MAP3K20: variants seen among roughly 807,000 people sequenced by gnomAD.
The protein encoded by MAP3K20 is HCCS-4.
In MAP3K20, 40 loss-of-function variants were observed where a neutral mutation model predicts 85.7. The observed-to-expected ratio is 0.47, with a 90% CI of 0.36 to 0.61. The LOEUF (loss-of-function observed/expected upper bound fraction) is 0.61, where lower values mean the gene tolerates loss of function less well. MAP3K20 is among the 20% of genes least tolerant of loss of function. MAP3K20 has a pLI of 0.00. For missense variants in MAP3K20, 817 were observed against 961.7 expected (o/e 0.85, Z 1.99); for synonymous variants, 325 against 327.7 (o/e 0.99, Z 0.09).
intron 2 of MAP3K20, among the ~76,000 whole-genome samples, chr2:173,127,922 G>A (rs1284018679): frequency 6.6e-6 from 1 of 152,178 alleles, no homozygotes; most frequent in Non-Finnish European, 1.5e-5. Flanking sequence ...AAGAGATGGA[G>A]AGAAGTGAAC....
intron 2 of MAP3K20, among the ~76,000 whole-genome samples, chr2:173,158,964 A>T (rs1275008249): frequency 6.6e-6 from 1 of 152,246 alleles, no homozygotes; most frequent in African/African-American, 2.4e-5. Context: ...GCTGTTAATA[A>T]TACATTAATT....
intron 7 of MAP3K20, among the ~76,000 whole-genome samples, chr2:173,191,963 G>A (rs1256595695): frequency 3.3e-5 from 5 of 152,150 alleles, no homozygotes; most frequent in Non-Finnish European, 5.9e-5. Flanking sequence ...CTGGAGGAAG[G>A]AATTCATTTG....
rs1487391776 is a variant in MAP3K20, at chr2:173,232,324, C to G, written c.1068C>G (p.Asp356Glu). ...CWVQQLVRKGDSSAEMSVYAS... is the reference protein window; with the variant it reads ...CWVQQLVRKGESSAEMSVYAS... ...CTTTCTAATCACTTCCTTCAGGTGACTCTTCAGCAGAGATGAGTGTATATG... is the reference window on the plus strand; with the variant it reads ...CTTTCTAATCACTTCCTTCAGGTGAGTCTTCAGCAGAGATGAGTGTATATG... Residue 356 changes from aspartate to glutamate, a missense_variant, in exon 14 of 20, where the codon GAC becomes GAG. Asp to Glu is a conservative substitution (Grantham distance 45). Coordinates refer to ENST00000375213, the MANE Select transcript of MAP3K20 (RefSeq NM_016653.3). 6.2e-7 allele frequency: 1 copy of G among 1,614,064 alleles called. No individual in the cohort carries two copies. Among genetic ancestry groups the G allele is most frequent in the Admixed American group, 1.7e-5 (1 of 60,000 alleles).
chr2:173,222,605 G>A, intron 11 of MAP3K20: 1 of 985,246 alleles, frequency 1.0e-6, no homozygotes, highest in Non-Finnish European at 1.2e-6. Context: ...TTTTTAGAGG[G>A]GCATAATAAT....
intron 16 of MAP3K20, among the ~76,000 whole-genome samples, chr2:173,257,172 T>A (rs1270680470): frequency 1.3e-5 from 2 of 151,968 alleles, no homozygotes; most frequent in Admixed American, 6.6e-5. Flanking sequence ...TCAAAAAAAT[T>A]GTTTTAATAA....
At chr2:173,193,599 A>G (rs1022615227) in intron 7 of MAP3K20, among the ~76,000 whole-genome samples, 1 of 152,208 alleles carries the variant, frequency 6.6e-6, no homozygotes. Context: ...AAAGATGTTA[A>G]GAGTGACTTC....
chr2:173,252,854 A>C (rs1685070461), intron 16 of MAP3K20, among the ~76,000 whole-genome samples: 1 of 152,190 alleles, frequency 6.6e-6, no homozygotes, highest in Non-Finnish European at 1.5e-5. Flanking sequence ...ACCTCCAGGC[A>C]TCTGGTGCTG....
intron 16 of MAP3K20, among the ~76,000 whole-genome samples, chr2:173,255,587 TCTC>T (rs1157600400): frequency 1.3e-5 from 2 of 152,132 alleles, no homozygotes; most frequent in South Asian, 2.1e-4. Context: ...AAATTTGAGT[TCTC>T]CTCCTGTCAG....
In MAP3K20 at chr2:173,198,918, C is replaced by T. The variant is rs953607864; in HGVS notation, c.669+806C>T. 1.3e-5 allele frequency: 2 copies of T among 152,554 alleles called. No homozygotes were observed. Among genetic ancestry groups the T allele is most frequent in the Non-Finnish European group, 2.9e-5 (2 of 68,030 alleles). 9.5% of individuals were successfully genotyped at this position (152,554 alleles called of 1,614,324 possible). On this transcript the variant is annotated intron_variant, in intron 8 of 19. Transcript: ENST00000375213. This position sits in a 1 kb window ranked among gnomAD's most constrained non-coding sequence, Gnocchi z 5.8. ...ACTGAAACGCACAGCCATGGAAATT[C>T]TCAGCATAAGGATGAAGCATCCAAT...
intron 7 of MAP3K20, among the ~76,000 whole-genome samples, chr2:173,195,509 T>TGAAA (rs1015258614): frequency 5.9e-5 from 9 of 152,228 alleles, no homozygotes; most frequent in South Asian, 2.1e-4. Context: ...ATTTTTAAGG[T>TGAAA]GAAAGATCAC....
At chr2:173,166,877 T>G (rs981262796) in intron 2 of MAP3K20, 1 of 151,556 alleles carries the variant, frequency 6.6e-6, no homozygotes, top group African/African-American at 2.4e-5. Flanking sequence ...AGTGACAAAT[T>G]ATTTACTACA....
At chr2:173,155,127 A>G (rs1032149969) in intron 2 of MAP3K20, among the ~76,000 whole-genome samples, 1 of 152,118 alleles carries the variant, frequency 6.6e-6, no homozygotes, top group Admixed American at 6.5e-5. Context: ...AGGGGGAGGT[A>G]AAATCTGGGG....
chr2:173,165,316 C>G (rs1689784287), intron 2 of MAP3K20, among the ~76,000 whole-genome samples: 1 of 151,738 alleles, frequency 6.6e-6, no homozygotes. Flanking sequence ...ACTCAGGAGG[C>G]TGAGGCAGGA....
chr2:173,094,867 T>C (rs1687413593), intron 2 of MAP3K20, among the ~76,000 whole-genome samples: 1 of 152,212 alleles, frequency 6.6e-6, no homozygotes, highest in African/African-American at 2.4e-5. Flanking sequence ...TATTTTTCCT[T>C]TGTAATTAAT....
At chr2:173,226,936 T>C (rs575114688) in intron 11 of MAP3K20, 2 of 985,128 alleles carry the variant, frequency 2.0e-6, no homozygotes, top group Non-Finnish European at 1.2e-6. Flanking sequence ...AAATATCTTG[T>C]ATAATGTTTG....
rs553010066 is a variant in MAP3K20, at chr2:173,181,440, A to G, written c.248-1414A>G. 3.9e-5 allele frequency among the ~76,000 whole-genome samples: 6 copies of G among 152,310 alleles called. 1 individual carries two copies. In the East Asian group the frequency reaches 9.6e-4, roughly 24 times the overall value. ...AAACCCTCATACGTTGCTGGCAGGA[A>G]TATAAAATGGTAGAGCCTCTTTGGA... On this transcript the variant is annotated intron_variant, in intron 3 of 19. Coordinates refer to ENST00000375213, the MANE Select transcript of MAP3K20 (RefSeq NM_016653.3).
chr2:173,126,931 TCTTAA>T (rs1292472827), intron 2 of MAP3K20, among the ~76,000 whole-genome samples: 1 of 152,220 alleles, frequency 6.6e-6, no homozygotes, highest in Non-Finnish European at 1.5e-5. Context: ...CTGTGAATGT[TCTTAA>T]CTTCTGTGCT....
chr2:173,199,970 A>G (rs750672464), intron 8 of MAP3K20, among the ~76,000 whole-genome samples: 6 of 152,174 alleles, frequency 3.9e-5, no homozygotes, highest in Non-Finnish European at 7.4e-5. Context: ...AGATCCCAGA[A>G]AGTAGAGTTT....
chr2:173,094,678 A>C (rs570017572), intron 2 of MAP3K20, among the ~76,000 whole-genome samples: 1 of 152,256 alleles, frequency 6.6e-6, no homozygotes, highest in East Asian at 1.9e-4. Flanking sequence ...TTTCCTCCCC[A>C]GCCCCCAGCC....
Sources: gnomAD v4.1 joint callset for allele counts (sites outside exome capture counted in the v4.1 genomes callset) on GRCh38, gnomAD v4.1.1 for gene constraint, Gnocchi (gnomAD v3.1) non-coding constraint, MANE v1.5 for transcripts, NCBI Gene and HGNC (gene_info 2026-07-23, HGNC 2026-07-21) for gene names.